Variants in MCTP1 observed in about 807,000 individuals in gnomAD.
MCTP1 encodes multiple C2 and transmembrane domain-containing protein 1.
In MCTP1, 69 loss-of-function variants were observed where a neutral mutation model predicts 120.6. The ratio of observed to expected loss-of-function variants is 0.57; its 90% CI spans 0.47 to 0.70. The LOEUF (loss-of-function observed/expected upper bound fraction) is 0.70, where lower values mean the gene tolerates loss of function less well. MCTP1 is among the 30% of genes least tolerant of loss of function. The pLI is 0.00. For synonymous variants in MCTP1, 529 were observed against 493.1 expected (o/e 1.07, Z -0.96); for missense variants, 1,203 against 1,248.8 (o/e 0.96, Z 0.55).
chr5:95,077,231 T>C (rs1467481563), intron 1 of MCTP1, among the ~76,000 whole-genome samples: 1 of 152,224 alleles, frequency 6.6e-6, no homozygotes, highest in African/African-American at 2.4e-5. Flanking sequence ...TTTTTTGATA[T>C]TCTGCCATGA....
At chr5:94,859,534 T>C (rs1795349112) in intron 17 of MCTP1, among the ~76,000 whole-genome samples, 1 of 151,786 alleles carries the variant, frequency 6.6e-6, no homozygotes, top group East Asian at 1.9e-4. Context: ...ATTGTATACA[T>C]GTATGGAAAT....
chr5:94,789,902 GAAGGA>G (rs886570617), intron 18 of MCTP1, among the ~76,000 whole-genome samples: 16 of 152,068 alleles, frequency 1.1e-4, no homozygotes, highest in Non-Finnish European at 4.4e-5. Context: ...TTTTTATTTG[GAAGGA>G]AAGATCAGAC....
Position 94,982,884 on chromosome 5 carries a change from C to CAAAAAAAAAAAAAAAAAAAAAAAAAA in MCTP1, c.839-29549_839-29524dup, listed in dbSNP as rs34561115. ...ACCTGGGGGACAGAGCACACTTCAT[C>CAAAAAAAAAAAAAAAAAAAAAAAAAA]AAAAAAAAAAAAAAAAAAAAAAAAA... On this transcript the variant is annotated intron_variant, in intron 2 of 22. Coordinates refer to ENST00000515393, the MANE Select transcript of MCTP1 (RefSeq NM_024717.7). Among the ~76,000 whole-genome samples the CAAAAAAAAAAAAAAAAAAAAAAAAAA allele has an allele frequency of 1.4e-3, 39 of 28,618 alleles. 5 individuals are homozygous for CAAAAAAAAAAAAAAAAAAAAAAAAAA. The highest frequency in any genetic ancestry group is 2.3e-3 in the South Asian group (1 of 432). 18.8% of individuals were successfully genotyped at this position (28,618 alleles called of 152,430 possible).
chr5:94,947,577 T>TAGAGAGAGAGAGAGAGAG (rs3030518), intron 3 of MCTP1, among the ~76,000 whole-genome samples: 4 of 47,400 alleles, frequency 8.4e-5, no homozygotes, highest in South Asian at 6.9e-4. Context: ...TATATATATA[T>TAGAGAGAGAGAGAGAGAG]AGAGAGAGAG....
chr5:95,252,320 C>T lies in MCTP1; in HGVS notation c.720+31536G>A, dbSNP rs1292618704. 2.0e-5 allele frequency among the ~76,000 whole-genome samples: 3 copies of T among 152,018 alleles called. No individual in the cohort carries two copies. The East Asian group carries it at 5.8e-4, about 29-fold the overall frequency. On this transcript the variant is annotated intron_variant, in intron 1 of 22. Coordinates refer to ENST00000515393, the MANE Select transcript of MCTP1 (RefSeq NM_024717.7). ...TCCCCCACTGAAGTTAGGCTGCTAC[C>T]CTCCCACAAAAACTGGAAGATAGGG...
chr5:95,012,114 G>C (rs1002393141), intron 2 of MCTP1, among the ~76,000 whole-genome samples: 1 of 152,014 alleles, frequency 6.6e-6, no homozygotes, highest in Non-Finnish European at 1.5e-5. Context: ...TCAGCAGACA[G>C]ATTAGGAAAT....
chr5:94,923,906 A>G, intron 7 of MCTP1, 56 bp downstream of exon 7: 1 of 1,092,024 alleles, frequency 9.2e-7, no homozygotes. Context: ...TAACTTTCAA[A>G]ATTGCTATCC....
At chr5:94,742,469 CAG>C (rs1765746423) in intron 19 of MCTP1, among the ~76,000 whole-genome samples, 1 of 152,130 alleles carries the variant, frequency 6.6e-6, no homozygotes. Context: ...TTAACAAAGT[CAG>C]AGCTGAGGCA....
intron 1 of MCTP1, among the ~76,000 whole-genome samples, chr5:95,018,927 T>C (rs765145894): frequency 4.6e-5 from 7 of 152,084 alleles, no homozygotes; most frequent in Non-Finnish European, 8.8e-5. Flanking sequence ...ATGACAACAA[T>C]TTGGGAAATA....
intron 2 of MCTP1, among the ~76,000 whole-genome samples, chr5:94,965,955 G>A (rs960839697): frequency 1.7e-4 from 26 of 152,082 alleles, no homozygotes; most frequent in African/African-American, 6.3e-4. Flanking sequence ...CACCAAACCG[G>A]CCGGTGCTTG....
intron 18 of MCTP1, among the ~76,000 whole-genome samples, chr5:94,780,704 A>G (rs1219342014): frequency 1.3e-5 from 2 of 152,102 alleles, no homozygotes; most frequent in Non-Finnish European, 1.5e-5. Context: ...CTCTCTAACT[A>G]TATTCAGCTA....
chr5:95,168,517 C>T (rs1324357475), intron 1 of MCTP1, among the ~76,000 whole-genome samples: 1 of 152,170 alleles, frequency 6.6e-6, no homozygotes, highest in African/African-American at 2.4e-5. Context: ...ATTGATTCTA[C>T]CTATCCATGA....
chr5:94,721,539 G>T (rs1026232), intron 19 of MCTP1, among the ~76,000 whole-genome samples: 22,340 of 152,068 alleles, frequency 0.15, 1,829 homozygotes, highest in East Asian at 0.32. Context: ...AAAAGCAAAT[G>T]CTTTGGGATA....
chr5:94,897,779 G>A (rs944711436), intron 10 of MCTP1, among the ~76,000 whole-genome samples: 29 of 152,074 alleles, frequency 1.9e-4, no homozygotes, highest in African/African-American at 6.5e-4. Context: ...TGTAACCCAG[G>A]TGCTAAGCCT....
intron 19 of MCTP1, among the ~76,000 whole-genome samples, chr5:94,752,845 C>G (rs781224021): frequency 5.3e-5 from 8 of 152,170 alleles, no homozygotes; most frequent in Non-Finnish European, 1.0e-4. Flanking sequence ...AGCAGGATAA[C>G]AGGTGTAAAC....
intron 1 of MCTP1, among the ~76,000 whole-genome samples, chr5:95,138,922 TCA>T (rs1258550314): frequency 6.6e-6 from 1 of 152,318 alleles, no homozygotes; most frequent in South Asian, 2.1e-4. Context: ...GTCGAATTTG[TCA>T]CAGTCTTCAT....
intron 10 of MCTP1, among the ~76,000 whole-genome samples, chr5:94,897,058 T>A (rs1405758665): frequency 2.6e-5 from 4 of 152,042 alleles, no homozygotes; most frequent in Admixed American, 6.6e-5. Flanking sequence ...GACTTTTTTT[T>A]AAATTTTAAT....
chr5:94,722,983 A>G (rs760600533), intron 19 of MCTP1, among the ~76,000 whole-genome samples: 1 of 152,238 alleles, frequency 6.6e-6, no homozygotes, highest in Non-Finnish European at 1.5e-5. Context: ...AAAATACATT[A>G]GATGAGAAGT....
At chr5:95,025,190 AAAC>A (rs1409338651) in intron 1 of MCTP1, among the ~76,000 whole-genome samples, 17 of 152,222 alleles carry the variant, frequency 1.1e-4, no homozygotes, top group Non-Finnish European at 1.8e-4. Context: ...ATAATAATCA[AAAC>A]AACGAGGTAC....
Sources: gnomAD v4.1 joint callset for allele counts (sites outside exome capture counted in the v4.1 genomes callset) on GRCh38, gnomAD v4.1.1 for gene constraint, MANE v1.5 for transcripts, NCBI Gene and HGNC (gene_info 2026-07-23, HGNC 2026-07-21) for gene names.